Variants in FYB1 observed in about 807,000 individuals in gnomAD.
FYB1 encodes FYN binding protein 1, also known as FYN-binding protein 1.
A neutral mutation model predicts 94.1 loss-of-function variants in FYB1; 41 were observed. That is an observed-to-expected ratio of 0.44 (90% CI 0.34 to 0.57). FYB1 has a LOEUF of 0.57. FYB1 is among the 20% of genes least tolerant of loss of function. The pLI is 0.02. For missense variants in FYB1, 1,050 were observed against 976.8 expected (o/e 1.07, Z -1.00); for synonymous variants, 367 against 353.2 (o/e 1.04, Z -0.44).
Position 39,246,066 on chromosome 5 carries a change from T to C in FYB1, c.-28+28337A>G, listed in dbSNP as rs533454471. On this transcript the variant is annotated intron_variant, in intron 1 of 1. Transcript: ENST00000510188. The stretch of plus-strand genomic sequence containing the variant: ...TCCAAGAGGAAAAAGAAAGTCTGCT[T>C]TTTTCTTTCTGCTTTGTTTTGTCCA... Among the ~76,000 whole-genome samples the C allele has an allele frequency of 2.6e-5, 4 of 152,328 alleles. No homozygotes were observed. The East Asian group carries it at 7.7e-4, about 29-fold the overall frequency.
intron 1 of FYB1, among the ~76,000 whole-genome samples, chr5:39,236,837 T>A (rs1750986187): frequency 6.6e-6 from 1 of 152,116 alleles, no homozygotes; most frequent in African/African-American, 2.4e-5. Flanking sequence ...AGTTTCAATG[T>A]TGTCATCTAT....
chr5:39,130,081 AAG>A (rs1423480971), intron 10 of FYB1, among the ~76,000 whole-genome samples: 1 of 152,118 alleles, frequency 6.6e-6, no homozygotes, highest in Non-Finnish European at 1.5e-5. Flanking sequence ...ATAAAAAAAA[AAG>A]AATGAAATCA....
intron 4 of FYB1, 56 bp from the exon 5 acceptor site, chr5:39,139,308 G>A (rs1741945805): frequency 3.1e-6 from 4 of 1,310,192 alleles, no homozygotes; most frequent in Non-Finnish European, 4.2e-6. Context: ...GCACTTTAAT[G>A]TAAGATTATT....
chr5:39,192,279 C>T (rs1044082337), intron 2 of FYB1, among the ~76,000 whole-genome samples: 8 of 152,012 alleles, frequency 5.3e-5, no homozygotes, highest in Non-Finnish European at 1.0e-4. Context: ...AATTTCTTTT[C>T]GCTCTCCTTT....
Position 39,107,109 on chromosome 5 carries a change from CT to C in FYB1, c.*333del, listed in dbSNP as rs771636457. 4.7e-5 allele frequency: 8 copies of C among 170,642 alleles called. No homozygotes were observed. The highest frequency in any genetic ancestry group is 9.9e-5 in the Non-Finnish European group (8 of 80,578). The allele number at this position is 170,642 out of a possible 1,614,324, so 10.6% of individuals were successfully genotyped here. On this transcript the variant is annotated 3_prime_UTR_variant, in exon 19 of 19. Transcript: ENST00000512982. ...GGTCATTTCTTCCTGAATGATTTTC[CT>C]TTTTCTTTTATTTTTATTTTTTGAA...
At chr5:39,232,711 TC>T (rs1750798647) in intron 1 of FYB1, among the ~76,000 whole-genome samples, 1 of 98,612 alleles carries the variant, frequency 1.0e-5, no homozygotes, top group Non-Finnish European at 2.1e-5. Flanking sequence ...ATGCTAACCC[TC>T]CCCCCTCCCC....
At chr5:39,138,903 T>A in intron 5 of FYB1, 1 of 597,182 alleles carries the variant, frequency 1.7e-6, no homozygotes. Flanking sequence ...ACAACTATTG[T>A]ATGTAAGTTT....
intron 1 of FYB1, among the ~76,000 whole-genome samples, chr5:39,215,606 A>ATTGG: frequency 6.6e-6 from 1 of 152,188 alleles, no homozygotes; most frequent in South Asian, 2.1e-4. Flanking sequence ...AGAAGCAAAC[A>ATTGG]TTATTAAAAA....
chr5:39,116,889 A>G (rs1331361082), intron 16 of FYB1, among the ~76,000 whole-genome samples: 1 of 152,046 alleles, frequency 6.6e-6, no homozygotes, highest in South Asian at 2.1e-4. Flanking sequence ...TTTCAACAAG[A>G]TCCCCATTGA....
intron 2 of FYB1, among the ~76,000 whole-genome samples, chr5:39,185,531 T>A (rs71621900): frequency 0.57 from 80,173 of 141,382 alleles, 25,575 homozygotes; most frequent in Non-Finnish European, 0.71. Flanking sequence ...AAAAAATATA[T>A]ATATATATAT....
At chr5:39,244,608 T>TTG (rs1751383867) in intron 1 of FYB1, among the ~76,000 whole-genome samples, 1 of 139,492 alleles carries the variant, frequency 7.2e-6, no homozygotes, top group Non-Finnish European at 1.5e-5. Context: ...TCTCTTTTTT[T>TTG]GTTGTGTCTC....
chr5:39,199,106 AT>A (rs1748089111), intron 2 of FYB1, among the ~76,000 whole-genome samples: 1 of 151,506 alleles, frequency 6.6e-6, no homozygotes, highest in Non-Finnish European at 1.5e-5. Flanking sequence ...GTATATGTAT[AT>A]TATTATTTAA....
chr5:39,243,156 T>A (rs1751298372), intron 1 of FYB1, among the ~76,000 whole-genome samples: 1 of 152,050 alleles, frequency 6.6e-6, no homozygotes, highest in South Asian at 2.1e-4. Flanking sequence ...TAGATCCCAT[T>A]TGTCAATTTT....
At chr5:39,198,739 C>T (rs1278377913) in intron 2 of FYB1, among the ~76,000 whole-genome samples, 1 of 152,070 alleles carries the variant, frequency 6.6e-6, no homozygotes, top group Non-Finnish European at 1.5e-5. Flanking sequence ...TAAGCTATGA[C>T]ATTTGGTAGT....
chr5:39,147,432 C>A (rs1046588156), intron 3 of FYB1, among the ~76,000 whole-genome samples: 20 of 145,382 alleles, frequency 1.4e-4, no homozygotes, highest in Non-Finnish European at 2.5e-4. Flanking sequence ...CCATGCCCAG[C>A]TAAACTTTTG....
At chr5:39,117,637 C>T (rs542457140) in intron 16 of FYB1, among the ~76,000 whole-genome samples, 3 of 152,272 alleles carry the variant, frequency 2.0e-5, no homozygotes, top group African/African-American at 7.2e-5. Flanking sequence ...TTCCTCCACC[C>T]TTGAGTCACT....
intron 2 of FYB1, among the ~76,000 whole-genome samples, chr5:39,192,302 T>A (rs1262620026): frequency 6.6e-6 from 1 of 152,238 alleles, no homozygotes; most frequent in Admixed American, 6.5e-5. Context: ...TGAAGTAAAT[T>A]ATAATTTCAT....
intron 1 of FYB1, among the ~76,000 whole-genome samples, chr5:39,235,870 T>C (rs1461231876): frequency 6.6e-6 from 1 of 152,088 alleles, no homozygotes; most frequent in African/African-American, 2.4e-5. Flanking sequence ...GACTCTTTTG[T>C]AGTGATAGAA....
intron 2 of FYB1, among the ~76,000 whole-genome samples, chr5:39,187,799 A>AT (rs909265143): frequency 6.6e-6 from 1 of 150,510 alleles, no homozygotes; most frequent in African/African-American, 2.4e-5. Flanking sequence ...TAGTGCTTCC[A>AT]TTTTTTTTCT....
Sources: gnomAD v4.1 joint callset for allele counts (sites outside exome capture counted in the v4.1 genomes callset) on GRCh38, gnomAD v4.1.1 for gene constraint, MANE v1.5 for transcripts, NCBI Gene and HGNC (gene_info 2026-07-23, HGNC 2026-07-21) for gene names.